Variants in LINGO2 observed in about 807,000 individuals in gnomAD.
LINGO2 encodes the protein leucine rich repeat and Ig domain containing 2.
LINGO2 carries 14 observed loss-of-function variants against 30.6 expected under a neutral mutation model. The observed-to-expected ratio is 0.46, with a 90% CI of 0.30 to 0.72. The LOEUF is 0.72. LINGO2 is among the 30% of genes least tolerant of loss of function. The pLI is 0.07. For missense variants in LINGO2, 729 were observed against 751.7 expected, an observed-to-expected ratio of 0.97 and a Z score of 0.35; for synonymous variants, 317 against 288.5, an observed-to-expected ratio of 1.10 and a Z score of -1.00.
chr9:28,505,431 T>C (rs4397501), intron 1 of LINGO2, among the ~76,000 whole-genome samples: 150,294 of 152,018 alleles, frequency 0.99, 74,315 homozygotes, highest in Middle Eastern at 1. Flanking sequence ...GGATATTGTT[T>C]ATAACATTTT....
chr9:28,955,632 T>A, the LINGO2 span, among the ~76,000 whole-genome samples: 2 of 152,090 alleles, frequency 1.3e-5, no homozygotes, highest in East Asian at 3.9e-4. Flanking sequence ...GTAGTGTAAG[T>A]GCTTTACTTT....
At chr9:29,141,664 T>A in the LINGO2 span, among the ~76,000 whole-genome samples, 1 of 152,032 alleles carries the variant, frequency 6.6e-6, no homozygotes, top group Non-Finnish European at 1.5e-5. Flanking sequence ...ATAATCTCTT[T>A]AGATTTAAGG....
chr9:28,461,274 C>T (rs1355187975), intron 2 of LINGO2, among the ~76,000 whole-genome samples: 1 of 152,112 alleles, frequency 6.6e-6, no homozygotes, highest in East Asian at 1.9e-4. Context: ...ATCTGCCTCA[C>T]TAGGAGCCTA....
chr9:28,103,863 A>G (rs1387254060), intron 4 of LINGO2, among the ~76,000 whole-genome samples: 1 of 152,180 alleles, frequency 6.6e-6, no homozygotes, highest in African/African-American at 2.4e-5. Flanking sequence ...TAAACTTTAA[A>G]AAGTCTTTTT....
At chr9:29,040,997 T>C in the LINGO2 span, among the ~76,000 whole-genome samples, 1 of 152,150 alleles carries the variant, frequency 6.6e-6, no homozygotes, top group East Asian at 1.9e-4. Context: ...TCCTTCAAAA[T>C]AGAAACGGTA....
chr9:28,444,146 A>G (rs1255412808), intron 2 of LINGO2, among the ~76,000 whole-genome samples: 1 of 152,072 alleles, frequency 6.6e-6, no homozygotes, highest in Non-Finnish European at 1.5e-5. Context: ...ATGTCTCCTC[A>G]TTCTTCCTGG....
At chr9:28,444,904 C>T (rs1824361932) in intron 2 of LINGO2, among the ~76,000 whole-genome samples, 1 of 152,196 alleles carries the variant, frequency 6.6e-6, no homozygotes, top group Non-Finnish European at 1.5e-5. Context: ...GTGCAGTCTG[C>T]TGGGCCAAGT....
the LINGO2 span, among the ~76,000 whole-genome samples, chr9:28,999,879 C>T: frequency 1.3e-5 from 2 of 149,758 alleles, no homozygotes; most frequent in Non-Finnish European, 3.0e-5. Flanking sequence ...TTCCAATCCT[C>T]CGATACATTT....
chr9:28,793,721 CTA>C, the LINGO2 span, among the ~76,000 whole-genome samples: 1 of 152,126 alleles, frequency 6.6e-6, no homozygotes, highest in Non-Finnish European at 1.5e-5. Flanking sequence ...ATAAAATATT[CTA>C]TGTCTTTTCT....
the LINGO2 span, among the ~76,000 whole-genome samples, chr9:29,136,313 C>A: frequency 3.3e-5 from 5 of 152,054 alleles, no homozygotes; most frequent in South Asian, 6.2e-4. Flanking sequence ...AAAGAAATTT[C>A]TTTCTTGGAA....
rs542608705 is a variant in LINGO2 at position 28,610,863 on chromosome 9, AC to A, written c.-365+59336del. Among the ~76,000 whole-genome samples, 300 of 152,114 alleles carry A rather than the reference AC, an allele frequency of 2.0e-3. 3 individuals are homozygous for A. Among genetic ancestry groups the A allele is most frequent in the African/African-American group, 6.9e-3 (288 of 41,528 alleles). On this transcript the variant is annotated intron_variant, in intron 1 of 5. Coordinates refer to ENST00000379992, the Ensembl canonical transcript of LINGO2. ...TTCTCCACATCTTTAGTAACTTTTA[AC>A]CTTTTTTGTATGGCAGATCTCTAAC...
the LINGO2 span, among the ~76,000 whole-genome samples, chr9:28,981,097 A>G: frequency 6.6e-6 from 1 of 152,114 alleles, no homozygotes; most frequent in East Asian, 1.9e-4. Flanking sequence ...AAATGACCGA[A>G]CTAAAGGAGA....
intron 4 of LINGO2, among the ~76,000 whole-genome samples, chr9:28,187,579 G>C (rs1485078199): frequency 6.6e-6 from 1 of 151,744 alleles, no homozygotes; most frequent in Non-Finnish European, 1.5e-5. Context: ...CATCAATGAA[G>C]AAGAAGACTG....
the LINGO2 span, among the ~76,000 whole-genome samples, chr9:28,857,580 G>T: frequency 2.0e-5 from 3 of 151,980 alleles, no homozygotes; most frequent in Non-Finnish European, 4.4e-5. Flanking sequence ...GATTGGCAAA[G>T]GGGCGTGAGC....
At chr9:29,170,284 C>T in the LINGO2 span, among the ~76,000 whole-genome samples, 1 of 152,038 alleles carries the variant, frequency 6.6e-6, no homozygotes, top group Non-Finnish European at 1.5e-5. Context: ...AAGAATAAAA[C>T]TATGTATTTT....
chr9:29,097,315 C>A, the LINGO2 span, among the ~76,000 whole-genome samples: 2 of 137,578 alleles, frequency 1.5e-5, 1 homozygote, highest in East Asian at 5.0e-4. Context: ...TAGTTTTAAT[C>A]TTTTTTTGAT....
intron 4 of LINGO2, among the ~76,000 whole-genome samples, chr9:28,095,530 C>G (rs1320155685): frequency 6.6e-6 from 1 of 151,774 alleles, no homozygotes; most frequent in Admixed American, 6.6e-5. Context: ...AAACTGGATC[C>G]CTTCCTTACA....
At chr9:29,210,918 G>C in the LINGO2 span, among the ~76,000 whole-genome samples, 1 of 152,128 alleles carries the variant, frequency 6.6e-6, no homozygotes, top group Admixed American at 6.5e-5. Context: ...GCTACTGGGT[G>C]ATGGTGACAG....
chr9:29,111,600 C>T, the LINGO2 span, among the ~76,000 whole-genome samples: 6 of 151,754 alleles, frequency 4.0e-5, no homozygotes, highest in Admixed American at 3.3e-4. Context: ...TACTTAATTT[C>T]CTCTTCCACA....
Sources: gnomAD v4.1 joint callset for allele counts (sites outside exome capture counted in the v4.1 genomes callset) on GRCh38, gnomAD v4.1.1 for gene constraint, MANE v1.5 for transcripts, NCBI Gene and HGNC (gene_info 2026-07-23, HGNC 2026-07-21) for gene names.